The following MARCHF1 variants were observed in gnomAD, a reference collection of about 807,000 sequenced individuals.
MARCHF1 encodes E3 ubiquitin-protein ligase MARCHF1.
Under a neutral mutation model 54.2 loss-of-function variants are expected in MARCHF1, and 40 were observed. The observed-to-expected ratio is 0.74, with a 90% CI of 0.57 to 0.96. The LOEUF is 0.96. Among genes scored for constraint, MARCHF1 ranks in the 40% least tolerant of loss-of-function variants. MARCHF1 has a pLI of 0.00. For synonymous variants in MARCHF1, 236 were observed against 236.3 expected (o/e 1.00, Z 0.01); for missense variants, 586 against 656.5 (o/e 0.89, Z 1.17).
intron 2 of MARCHF1, among the ~76,000 whole-genome samples, chr4:164,045,127 C>T (rs951518128): frequency 4.0e-5 from 6 of 151,726 alleles, no homozygotes; most frequent in Admixed American, 6.6e-5. Flanking sequence ...TTTCTAAAAT[C>T]GCAAACAAAA....
intron 3 of MARCHF1, among the ~76,000 whole-genome samples, chr4:163,985,992 T>C (rs1463960604): frequency 6.6e-6 from 1 of 152,108 alleles, no homozygotes; most frequent in Non-Finnish European, 1.5e-5. Context: ...GTTTAATTTA[T>C]CCACTTTAAA....
chr4:164,360,395 G>A (rs1443163417), intron 1 of MARCHF1, among the ~76,000 whole-genome samples: 1 of 152,138 alleles, frequency 6.6e-6, no homozygotes, highest in African/African-American at 2.4e-5. Flanking sequence ...AGATTCTTAT[G>A]TCTCTATTAT....
rs1253046162 is a variant in MARCHF1 at position 163,527,534 on chromosome 4, T to C, written c.*1214A>G. On this transcript the variant is annotated 3_prime_UTR_variant, in exon 10 of 10. Transcript: ENST00000514618. ...TATAGGCAGATTGATTGTTTTATCT[T>C]TCTATACTTTTGGATTTTTACCCTT... 2 of 152,082 alleles carry C rather than the reference T, an allele frequency of 1.3e-5. No homozygotes were observed. Among genetic ancestry groups the C allele is most frequent in the Non-Finnish European group, 2.9e-5 (2 of 67,966 alleles). The allele number at this position is 152,082 out of a possible 1,614,324, so 9.4% of individuals were successfully genotyped here. A position where few individuals can be genotyped will look rare whatever the true frequency, so the allele number is the denominator to read the frequency against.
chr4:163,555,872 C>A, intron 8 of MARCHF1: 1 of 452,784 alleles, frequency 2.2e-6, no homozygotes, highest in Non-Finnish European at 4.4e-6. Context: ...AGCTATGGCA[C>A]ACGTGGAATC....
At chr4:163,947,619 T>C (rs914066978) in intron 3 of MARCHF1, among the ~76,000 whole-genome samples, 1 of 152,214 alleles carries the variant, frequency 6.6e-6, no homozygotes, top group African/African-American at 2.4e-5. Flanking sequence ...AAATAAATGA[T>C]TCCTATCCAA....
intron 3 of MARCHF1, among the ~76,000 whole-genome samples, chr4:163,858,251 A>G (rs1325623197): frequency 6.6e-6 from 1 of 152,180 alleles, no homozygotes; most frequent in African/African-American, 2.4e-5. Flanking sequence ...AGTGAAGCTT[A>G]TTCTACTCAC....
intron 2 of MARCHF1, among the ~76,000 whole-genome samples, chr4:164,082,364 A>C (rs147392619): frequency 1.3e-5 from 2 of 152,336 alleles, no homozygotes; most frequent in Non-Finnish European, 2.9e-5. Context: ...AGGCCCCATT[A>C]TAACTTTTGC....
chr4:164,185,750 T>G (rs574209371), intron 1 of MARCHF1, among the ~76,000 whole-genome samples: 2 of 151,562 alleles, frequency 1.3e-5, no homozygotes, highest in East Asian at 3.9e-4. Flanking sequence ...AAGTAAACAC[T>G]AAAATTGCTT....
chr4:164,175,200 T>G (rs562976641), intron 1 of MARCHF1, among the ~76,000 whole-genome samples: 3 of 152,348 alleles, frequency 2.0e-5, no homozygotes, highest in Admixed American at 1.3e-4. Flanking sequence ...ATATAATGGC[T>G]AGTAATTAAT....
intron 4 of MARCHF1, among the ~76,000 whole-genome samples, chr4:163,842,810 C>G (rs937600765): frequency 6.6e-6 from 1 of 152,146 alleles, no homozygotes; most frequent in Admixed American, 6.6e-5. Context: ...GACACATGCT[C>G]CTCTTCACTG....
chr4:163,780,051 G>A lies in MARCHF1; in HGVS notation c.111+73970C>T, dbSNP rs894327619. Among the ~76,000 whole-genome samples, 25 of 152,256 alleles carry A rather than the reference G, an allele frequency of 1.6e-4. No homozygotes were observed. The East Asian group carries it at 2.7e-3, about 16-fold the overall frequency. On this transcript the variant is annotated intron_variant, in intron 4 of 9. Transcript: ENST00000514618. ...CTCAAGGACCAGGCTTGGACCACACGGATTTGTTTATGAGCCCATTGAGTG... is the reference window on the plus strand; with the variant it reads ...CTCAAGGACCAGGCTTGGACCACACAGATTTGTTTATGAGCCCATTGAGTG...
In MARCHF1 at chr4:163,591,065, A is replaced by AAT. The variant is rs1458044486; in HGVS notation, c.1011-5137_1011-5136insAT. 2.0e-5 allele frequency among the ~76,000 whole-genome samples: 3 copies of AAT among 150,882 alleles called. No individual in the cohort carries two copies. In the East Asian group the frequency reaches 5.8e-4, roughly 29 times the overall value. On this transcript the variant is annotated intron_variant, in intron 7 of 9. Transcript: ENST00000514618. Reference sequence around the variant, plus strand: ...AATTATTAATAATCAATTATTTCATATGATTATTAATTAATTATTGTCACT... The same window carrying AAT: ...AATTATTAATAATCAATTATTTCATAATTGATTATTAATTAATTATTGTCACT...
At chr4:164,104,116 A>C (rs1418791007) in intron 2 of MARCHF1, among the ~76,000 whole-genome samples, 2 of 150,098 alleles carry the variant, frequency 1.3e-5, no homozygotes, top group Admixed American at 1.3e-4. Flanking sequence ...AATTGTGGCA[A>C]TAATCAATAG....
chr4:164,297,942 A>G lies in MARCHF1; in HGVS notation c.-323+85928T>C, dbSNP rs370150342. ...TAAATAGATATCATGAATCTCCTCA[A>G]TTTAAAACCTTATGATTTTTTATTC... On this transcript the variant is annotated intron_variant, in intron 1 of 9. Coordinates refer to ENST00000514618, the MANE Select transcript of MARCHF1 (RefSeq NM_001394959.1). Among the ~76,000 whole-genome samples, 14 of 152,290 alleles carry G rather than the reference A, an allele frequency of 9.2e-5. No individual in the cohort carries two copies. In the South Asian group the frequency reaches 2.5e-3, roughly 27 times the overall value.
intron 3 of MARCHF1, among the ~76,000 whole-genome samples, chr4:163,875,263 T>C (rs1291069751): frequency 6.6e-6 from 1 of 152,160 alleles, no homozygotes; most frequent in African/African-American, 2.4e-5. Context: ...TGTGTTCAGA[T>C]AGTTTTGTGA....
chr4:163,974,113 G>T (rs1168541967), intron 3 of MARCHF1, among the ~76,000 whole-genome samples: 1 of 152,192 alleles, frequency 6.6e-6, no homozygotes, highest in Non-Finnish European at 1.5e-5. Context: ...ATGTGTGGTT[G>T]TTTTAGACAT....
At chr4:163,743,577 C>CTTTT (rs34675962) in intron 4 of MARCHF1, among the ~76,000 whole-genome samples, 3 of 122,658 alleles carry the variant, frequency 2.4e-5, no homozygotes, top group East Asian at 2.4e-4. Flanking sequence ...GATACACCAT[C>CTTTT]TTTTTTTTTT....
At chr4:164,288,968 G>A (rs749078515) in intron 1 of MARCHF1, among the ~76,000 whole-genome samples, 1 of 151,990 alleles carries the variant, frequency 6.6e-6, no homozygotes. Context: ...TCTAATTATA[G>A]TTGCTAGAAT....
At chr4:164,227,919 C>A (rs904769905) in intron 1 of MARCHF1, among the ~76,000 whole-genome samples, 7 of 151,994 alleles carry the variant, frequency 4.6e-5, no homozygotes, top group African/African-American at 1.5e-4. Flanking sequence ...ATAGAAAATT[C>A]TATATTTTAT....
Sources: gnomAD v4.1 joint callset for allele counts (sites outside exome capture counted in the v4.1 genomes callset) on GRCh38, gnomAD v4.1.1 for gene constraint, MANE v1.5 for transcripts, NCBI Gene and HGNC (gene_info 2026-07-23, HGNC 2026-07-21) for gene names.